Variants in KIN observed in about 807,000 individuals in gnomAD.
The protein encoded by KIN is Kin17 DNA and RNA binding protein, also known as DNA/RNA-binding protein KIN17.
In KIN, 47 loss-of-function variants were observed where a neutral mutation model predicts 63.0. That is an observed-to-expected ratio of 0.75 (90% confidence interval 0.59 to 0.95). The LOEUF is 0.95. KIN is among the 40% of genes least tolerant of loss of function. The pLI, the probability that KIN is intolerant of heterozygous loss-of-function variation, is 0.00. For synonymous variants in KIN, 160 were observed against 157.7 expected, an observed-to-expected ratio of 1.01 and a Z score of -0.11; for missense variants, 408 against 460.9, an observed-to-expected ratio of 0.89 and a Z score of 1.05.
At chr10:7,768,287 AGGTAG>A (rs1363475597) in intron 8 of KIN, among the ~76,000 whole-genome samples, 17 of 152,200 alleles carry the variant, frequency 1.1e-4, no homozygotes, top group African/African-American at 3.9e-4. Flanking sequence ...TGGGAGGTCA[AGGTAG>A]GCAGATCATT....
intron 8 of KIN, among the ~76,000 whole-genome samples, chr10:7,767,921 C>A (rs374057892): frequency 6.7e-6 from 1 of 148,256 alleles, no homozygotes; most frequent in African/African-American, 2.5e-5. Flanking sequence ...ACAATGAAGA[C>A]GAAAATAAAT....
chr10:7,779,716 T>C (rs1251092609), intron 4 of KIN, among the ~76,000 whole-genome samples: 1 of 152,230 alleles, frequency 6.6e-6, no homozygotes, highest in Non-Finnish European at 1.5e-5. Flanking sequence ...ATAGGTTACA[T>C]GCAAGTGCTA....
intron 10 of KIN, among the ~76,000 whole-genome samples, chr10:7,763,242 C>A (rs1036892301): frequency 9.9e-5 from 15 of 152,048 alleles, no homozygotes; most frequent in Non-Finnish European, 1.6e-4. Context: ...GGCAACAGAG[C>A]CAGACTCTGT....
intron 8 of KIN, among the ~76,000 whole-genome samples, chr10:7,767,267 G>A (rs1395037141): frequency 6.6e-6 from 1 of 152,040 alleles, no homozygotes; most frequent in Admixed American, 6.6e-5. Context: ...TCCTTCAGAT[G>A]CTTGATCGTT....
chr10:7,773,446 A>C (rs1835706349), intron 7 of KIN, among the ~76,000 whole-genome samples: 1 of 152,226 alleles, frequency 6.6e-6, no homozygotes, highest in Admixed American at 6.5e-5. Context: ...AGTATAAGGC[A>C]TGTGTGTTAT....
chr10:7,778,162 T>C (rs908562430), intron 5 of KIN, among the ~76,000 whole-genome samples: 1 of 152,116 alleles, frequency 6.6e-6, no homozygotes, highest in Non-Finnish European at 1.5e-5. Flanking sequence ...CAGGCCAGAG[T>C]AAACATTGCT....
intron 1 of KIN, among the ~76,000 whole-genome samples, chr10:7,785,558 C>T (rs985826795): frequency 2.0e-5 from 3 of 151,908 alleles, no homozygotes; most frequent in East Asian, 1.9e-4. Flanking sequence ...CTTGGGAGGC[C>T]GAGGCAGGTG....
chr10:7,754,231 T>C lies in KIN; in HGVS notation c.*1849A>G. On this transcript the variant is annotated 3_prime_UTR_variant, in exon 13 of 13. Coordinates refer to ENST00000379562, the MANE Select transcript of KIN (RefSeq NM_012311.4). ...CTGTAGTCCCAGCTACTCGGGAGGC[T>C]GAGGTGGGAGAATCAATGACCTAAG... 1 of 376,692 alleles carries C rather than the reference T, an allele frequency of 2.7e-6. No individual in the cohort carries two copies. Among genetic ancestry groups the C allele is most frequent in the Non-Finnish European group, 5.3e-6 (1 of 190,158 alleles). 23.3% of individuals were successfully genotyped at this position (376,692 alleles called of 1,614,324 possible).
chr10:7,760,059 C>T lies in KIN; in HGVS notation c.1019-69G>A, dbSNP rs1040150980. 11 of 732,124 alleles carry T rather than the reference C, an allele frequency of 1.5e-5. No homozygotes were observed. In the African/African-American group the frequency reaches 1.7e-4, roughly 11 times the overall value. The allele number at this position is 732,124 out of a possible 1,614,324, so 45.4% of individuals were successfully genotyped here. ...CCACTTTTCTTCTAACTTGTTACAG[C>T]AAAATGTACTACACTGAATAAACAT... is the stretch of plus-strand genomic sequence containing the variant. On this transcript the variant is annotated intron_variant, in intron 11 of 12. Coordinates refer to ENST00000379562, the MANE Select transcript of KIN (RefSeq NM_012311.4).
At chr10:7,770,504 A>G (rs1193407961) in intron 7 of KIN, among the ~76,000 whole-genome samples, 1 of 152,242 alleles carries the variant, frequency 6.6e-6, no homozygotes, top group Non-Finnish European at 1.5e-5. Flanking sequence ...TTGAACTGCC[A>G]CAGTACCTTG....
At chr10:7,775,965 A>C (rs1201934454) in intron 5 of KIN, among the ~76,000 whole-genome samples, 166 bp from the exon 6 acceptor site, 2 of 152,170 alleles carry the variant, frequency 1.3e-5, no homozygotes, top group Non-Finnish European at 2.9e-5. Context: ...GCGGTGGCTC[A>C]CACCTGTAAT....
In KIN at chr10:7,756,042, C is replaced by T; in HGVS notation, c.*38G>A. On this transcript the variant is annotated 3_prime_UTR_variant, in exon 13 of 13. Coordinates refer to ENST00000379562, the MANE Select transcript of KIN (RefSeq NM_012311.4). ...TGCCTTGGCGAACACCAATTTGATG[C>T]TTTAAGATTTTAATGTATTGTTAAC... 1 of 1,260,002 alleles carries T rather than the reference C, an allele frequency of 7.9e-7. No individual in the cohort carries two copies. The highest frequency in any genetic ancestry group is 1.1e-6 in the Non-Finnish European group (1 of 877,092). 78.1% of individuals were successfully genotyped at this position (1,260,002 alleles called of 1,614,324 possible). A position where few individuals can be genotyped will look rare whatever the true frequency, so the allele number is the denominator to read the frequency against.
rs377478697 is a variant in KIN at position 7,767,022 on chromosome 10, CA to C, written c.799-920del. Among the ~76,000 whole-genome samples the C allele has an allele frequency of 1.5e-3, 179 of 121,150 alleles. 1 individual carries two copies. The highest frequency in any genetic ancestry group is 5.3e-3 in the African/African-American group (156 of 29,376). 79.5% of individuals were successfully genotyped at this position (121,150 alleles called of 152,430 possible). On this transcript the variant is annotated intron_variant, in intron 8 of 12. Transcript: ENST00000379562. ...TGGGCCACAGAGTGACACTCCATCT[CA>C]AAAAAAAAAAAAAAACCTCATTTTA... is the stretch of plus-strand genomic sequence containing the variant.
At chr10:7,774,729 A>G (rs2131014969) in intron 7 of KIN, 102 bp downstream of exon 7, 1 of 968,590 alleles carries the variant, frequency 1.0e-6, no homozygotes, top group East Asian at 2.4e-5. Flanking sequence ...ACAGGTGAAA[A>G]CTACAACTAG....
Position 7,758,743 on chromosome 10 carries a change from T to C in KIN, c.1119+1147A>G, listed in dbSNP as rs73628481. Among the ~76,000 whole-genome samples the C allele has an allele frequency of 9.9e-3, 1,509 of 152,102 alleles. 33 individuals carry two copies. Among genetic ancestry groups the C allele is most frequent in the African/African-American group, 0.034 (1,422 of 41,512 alleles). ...GTTGTCAAGGAAATACTGGATTTTC[T>C]ACTGCCTTATGCTGATAGAGTCAGA... On this transcript the variant is annotated intron_variant, in intron 12 of 12. Coordinates refer to ENST00000379562, the MANE Select transcript of KIN (RefSeq NM_012311.4).
chr10:7,778,713 TG>T, intron 5 of KIN, 124 bp downstream of exon 5: 1 of 990,940 alleles, frequency 1.0e-6, no homozygotes, highest in African/African-American at 1.6e-5. Flanking sequence ...CACTCCAGCC[TG>T]GGCGGCAGAG....
intron 7 of KIN, among the ~76,000 whole-genome samples, chr10:7,771,640 C>G (rs937850295): frequency 6.6e-6 from 1 of 152,082 alleles, no homozygotes; most frequent in South Asian, 2.1e-4. Context: ...TGCCTGAAAT[C>G]CCGGCACTTT....
At chr10:7,772,806 A>C (rs1835693617) in intron 7 of KIN, among the ~76,000 whole-genome samples, 1 of 152,360 alleles carries the variant, frequency 6.6e-6, no homozygotes, top group South Asian at 2.1e-4. Context: ...TTTTGCTAAT[A>C]TCAAGGTTTG....
At chr10:7,773,218 G>T (rs7901621) in intron 7 of KIN, among the ~76,000 whole-genome samples, 69,580 of 151,998 alleles carry the variant, frequency 0.46, 16,514 homozygotes, top group African/African-American at 0.53. Flanking sequence ...TTGATTTCAA[G>T]CCAGTGATAC....
Sources: gnomAD v4.1 joint callset for allele counts (sites outside exome capture counted in the v4.1 genomes callset) on GRCh38, gnomAD v4.1.1 for gene constraint, MANE v1.5 for transcripts, NCBI Gene and HGNC (gene_info 2026-07-23, HGNC 2026-07-21) for gene names.